The following SLC16A7 variants were observed in gnomAD, a reference collection of about 807,000 sequenced individuals.
SLC16A7 encodes solute carrier family 16 member 7, also known as monocarboxylate transporter 2.
A neutral mutation model predicts 34.9 loss-of-function variants in SLC16A7; 33 were observed. The ratio of observed to expected loss-of-function variants is 0.94; its 90% CI spans 0.72 to 1.26. SLC16A7 has a LOEUF of 1.26. Among genes scored for constraint, SLC16A7 ranks in the 50% most tolerant of loss-of-function variants. The pLI, the probability that SLC16A7 is intolerant of heterozygous loss-of-function variation, is 0.00. For synonymous variants in SLC16A7, 201 were observed against 206.6 expected, an observed-to-expected ratio of 0.97 and a Z score of 0.23; for missense variants, 573 against 578.1, an observed-to-expected ratio of 0.99 and a Z score of 0.09.
intron 1 of SLC16A7, among the ~76,000 whole-genome samples, chr12:59,604,491 T>A (rs546592261): frequency 1.3e-5 from 2 of 152,344 alleles, no homozygotes; most frequent in South Asian, 4.1e-4. Context: ...TGTGTGTGTA[T>A]AATAAGTGAA....
chr12:59,680,170 G>A (rs768873905), intron 2 of SLC16A7, among the ~76,000 whole-genome samples: 20 of 152,138 alleles, frequency 1.3e-4, no homozygotes, highest in Non-Finnish European at 2.5e-4. Context: ...GAATAGAGAG[G>A]CAAAGGACAG....
At chr12:59,723,248 C>T (rs1023548683) in intron 3 of SLC16A7, among the ~76,000 whole-genome samples, 1 of 151,974 alleles carries the variant, frequency 6.6e-6, no homozygotes, top group African/African-American at 2.4e-5. Flanking sequence ...TCTTGCCCTG[C>T]CACTCAATAA....
chr12:59,641,269 A>T (rs1460761035), intron 1 of SLC16A7, among the ~76,000 whole-genome samples: 3 of 152,076 alleles, frequency 2.0e-5, no homozygotes, highest in Non-Finnish European at 2.9e-5. Flanking sequence ...AATTTAATTG[A>T]TACAAAGCAG....
intron 2 of SLC16A7, among the ~76,000 whole-genome samples, chr12:59,659,552 G>A (rs919027134): frequency 6.6e-6 from 1 of 151,990 alleles, no homozygotes; most frequent in African/African-American, 2.4e-5. Flanking sequence ...ACTATATGTT[G>A]CTTAAATTAG....
intron 2 of SLC16A7, among the ~76,000 whole-genome samples, chr12:59,667,755 A>C (rs1216657880): frequency 2.0e-5 from 3 of 152,184 alleles, no homozygotes; most frequent in Non-Finnish European, 4.4e-5. Context: ...AATGAAGAAA[A>C]CGTCTCCAGG....
chr12:59,689,206 C>A (rs1871374850), intron 2 of SLC16A7: 1 of 151,958 alleles, frequency 6.6e-6, no homozygotes, highest in African/African-American at 2.4e-5. Flanking sequence ...ATATATGCAA[C>A]CGCTTCTCAG....
chr12:59,700,854 C>T (rs1872791520), intron 2 of SLC16A7, among the ~76,000 whole-genome samples: 1 of 151,554 alleles, frequency 6.6e-6, no homozygotes, highest in African/African-American at 2.4e-5. Flanking sequence ...TCACATTCAG[C>T]CCCAACTATG....
rs895135044 is a variant in SLC16A7, at chr12:59,788,044, A to C, written c.*8365A>C. 1 of 152,216 alleles carries C rather than the reference A, an allele frequency of 6.6e-6. No homozygotes were observed. Among genetic ancestry groups the C allele is most frequent in the African/African-American group, 2.4e-5 (1 of 41,470 alleles). The allele number at this position is 152,216 out of a possible 1,614,324, so 9.4% of individuals were successfully genotyped here. On this transcript the variant is annotated 3_prime_UTR_variant, in exon 6 of 6. Coordinates refer to ENST00000547379, the MANE Select transcript of SLC16A7 (RefSeq NM_001270623.2). ...GTTCTTCTCCCAGATATTTTAAACC[A>C]GTATGTTAATTATTTCCTAGAATGA...
At chr12:59,702,742 A>G (rs1455785243) in intron 2 of SLC16A7, among the ~76,000 whole-genome samples, 1 of 152,098 alleles carries the variant, frequency 6.6e-6, no homozygotes, top group Non-Finnish European at 1.5e-5. Context: ...TTTGATCAAT[A>G]AAAAGAATAC....
At chr12:59,738,577 CCTTT>C (rs1877881500) in intron 3 of SLC16A7, among the ~76,000 whole-genome samples, 2 of 152,082 alleles carry the variant, frequency 1.3e-5, no homozygotes, top group African/African-American at 4.8e-5. Context: ...TTCATCCTAC[CCTTT>C]GCTGGCATTT....
chr12:59,653,113 C>CT (rs1256553078), intron 1 of SLC16A7, among the ~76,000 whole-genome samples: 1 of 151,806 alleles, frequency 6.6e-6, no homozygotes, highest in Non-Finnish European at 1.5e-5. Flanking sequence ...TAAAATCACT[C>CT]TTTAAGACAA....
intron 3 of SLC16A7, among the ~76,000 whole-genome samples, chr12:59,712,618 G>A (rs947577712): frequency 6.6e-6 from 1 of 152,208 alleles, no homozygotes. Flanking sequence ...CTACTGATGT[G>A]TAGAAGCAGA....
At chr12:59,709,849 C>G (rs1874019225) in intron 3 of SLC16A7, among the ~76,000 whole-genome samples, 1 of 151,618 alleles carries the variant, frequency 6.6e-6, no homozygotes, top group Admixed American at 6.6e-5. Flanking sequence ...CAGCTTTCCT[C>G]CCCTTAGGCT....
At chr12:59,613,950 C>T (rs1181594492) in intron 1 of SLC16A7, among the ~76,000 whole-genome samples, 1 of 152,094 alleles carries the variant, frequency 6.6e-6, no homozygotes, top group East Asian at 1.9e-4. Context: ...AACAGTAACA[C>T]TGTTAAAACC....
At position 59,677,477 on chromosome 12, in the gene SLC16A7, G is replaced by A. The variant is rs191288333; in HGVS notation, c.-31+22227G>A. On this transcript the variant is annotated intron_variant, in intron 2 of 5. Transcript: ENST00000547379. ...CTCAAGAAATAAATGGTTTCAGTGA[G>A]TCTTTCAGGTCAAATATCTGTCTCA... Among the ~76,000 whole-genome samples, 3 of 152,250 alleles carry A rather than the reference G, an allele frequency of 2.0e-5. No homozygotes were observed. In the East Asian group the frequency reaches 5.8e-4, roughly 29 times the overall value.
intron 3 of SLC16A7, among the ~76,000 whole-genome samples, chr12:59,726,990 T>C (rs1180184342): frequency 6.6e-6 from 1 of 151,888 alleles, no homozygotes. Flanking sequence ...TTATACTAAA[T>C]TCATTTACTT....
At chr12:59,761,115 G>C (rs756959315) in intron 3 of SLC16A7, 1 of 1,245,686 alleles carries the variant, frequency 8.0e-7, no homozygotes, top group Non-Finnish European at 1.1e-6. Context: ...AAATGTACTT[G>C]TGTTTACAGG....
At chr12:59,629,012 C>A (rs1880059459) in intron 1 of SLC16A7, among the ~76,000 whole-genome samples, 2 of 151,932 alleles carry the variant, frequency 1.3e-5, no homozygotes, top group Non-Finnish European at 2.9e-5. Flanking sequence ...AGTTCAAGAT[C>A]AAGGTGCTAG....
chr12:59,617,065 A>C lies in SLC16A7; in HGVS notation c.-130+20829A>C, dbSNP rs142177144. On this transcript the variant is annotated intron_variant, in intron 1 of 5. Transcript: ENST00000547379. ...TTTTGAGTTAATATTGTGGTGTATGAATAAAATCACTTCTGTATTTTAGTA... is the reference window on the plus strand; with the variant it reads ...TTTTGAGTTAATATTGTGGTGTATGCATAAAATCACTTCTGTATTTTAGTA... 1.6e-3 allele frequency among the ~76,000 whole-genome samples: 248 copies of C among 152,202 alleles called. 1 individual carries two copies. The highest frequency in any genetic ancestry group is 5.3e-3 in the African/African-American group (220 of 41,552).
Sources: allele counts gnomAD v4.1 joint callset (sites outside exome capture counted in the v4.1 genomes callset), GRCh38; gene constraint gnomAD v4.1.1; transcripts MANE v1.5; gene names NCBI Gene and HGNC (gene_info 2026-07-23, HGNC 2026-07-21).